NOSIP: variants seen among roughly 807,000 people sequenced by gnomAD.
NOSIP encodes the protein nitric oxide synthase-interacting protein.
NOSIP carries 25 observed loss-of-function variants against 36.4 expected under a neutral mutation model. The ratio of observed to expected loss-of-function variants is 0.69; its 90% CI spans 0.50 to 0.96. The LOEUF is 0.96. NOSIP is among the 40% of genes least tolerant of loss of function. NOSIP has a pLI of 0.00. For missense variants in NOSIP, 370 were observed against 429.0 expected (o/e 0.86, Z 1.21); for synonymous variants, 187 against 179.2 (o/e 1.04, Z -0.35).
intron 3 of NOSIP, 40 bp from the exon 4 acceptor site, chr19:49,559,018 C>T (rs946031606): frequency 9.1e-6 from 14 of 1,535,372 alleles, no homozygotes; most frequent in Non-Finnish European, 1.3e-5. Flanking sequence ...AGAAAGTGAT[C>T]CTCCCGCCTC....
intron 4 of NOSIP, chr19:49,557,909 C>T: frequency 1.0e-6 from 1 of 987,568 alleles, no homozygotes; most frequent in Non-Finnish European, 1.2e-6. Context: ...ACATGACCAC[C>T]AGGCTGTGTG....
intron 1 of NOSIP, among the ~76,000 whole-genome samples, chr19:49,563,431 A>G (rs2080361560): frequency 1.3e-5 from 2 of 151,756 alleles, no homozygotes; most frequent in Non-Finnish European, 1.5e-5. Flanking sequence ...TGGCCTCCCA[A>G]AGTGTTGGGA....
chr19:49,559,510 C>CAAA (rs112494970), intron 3 of NOSIP: 15,094 of 166,484 alleles, frequency 0.091, 819 homozygotes, highest in African/African-American at 0.16. Context: ...GACTCTGTCT[C>CAAA]AAAAAAAAAA....
In NOSIP at chr19:49,560,445, T is replaced by C. The variant is rs2080317124; in HGVS notation, c.70+177A>G. 2 of 625,154 alleles carry C rather than the reference T, an allele frequency of 3.2e-6. No homozygotes were observed. Among genetic ancestry groups the C allele is most frequent in the Non-Finnish European group, 5.8e-6 (2 of 344,296 alleles). The allele number at this position is 625,154 out of a possible 1,614,324, so 38.7% of individuals were successfully genotyped here. A position where few individuals can be genotyped will look rare whatever the true frequency, so the allele number is the denominator to read the frequency against. ...CATGCGCAGAAGGCAGAGAACACAG[T>C]GCCGGGCCACATGGGGTCATGGGAT... is the stretch of plus-strand genomic sequence containing the variant. On this transcript the variant is annotated intron_variant, in intron 2 of 8. Transcript: ENST00000596358. The surrounding 1 kb of genome is among the most constrained non-coding windows in gnomAD (Gnocchi z 4.6).
chr19:49,578,540 C>T (rs1002828417), intron 1 of NOSIP, among the ~76,000 whole-genome samples: 4 of 152,136 alleles, frequency 2.6e-5, no homozygotes, highest in Non-Finnish European at 5.9e-5. Context: ...ATGGCTCACA[C>T]CTGTAATCTA....
chr19:49,560,820 G>C lies in NOSIP; in HGVS notation c.-1-128C>G. On this transcript the variant is annotated intron_variant, in intron 1 of 8. Transcript: ENST00000596358. This position sits in a 1 kb window ranked among gnomAD's most constrained non-coding sequence, Gnocchi z 4.6. ...AGCGGAGGCGGAGAAGGGGGGTGAG[G>C]TGGAAGAGAGGGAGGGCATGTGGTC... is the stretch of plus-strand genomic sequence containing the variant. The C allele has an allele frequency of 1.4e-6, 1 of 730,500 alleles. No individual in the cohort carries two copies. The highest frequency in any genetic ancestry group is 1.6e-5 in the South Asian group (1 of 62,238). 45.3% of individuals were successfully genotyped at this position (730,500 alleles called of 1,614,324 possible). A position where few individuals can be genotyped will look rare whatever the true frequency, so the allele number is the denominator to read the frequency against.
At chr19:49,564,453 CAAAAAAA>C (rs1011453088) in intron 1 of NOSIP, among the ~76,000 whole-genome samples, 14 of 42,572 alleles carry the variant, frequency 3.3e-4, no homozygotes, top group Middle Eastern at 0.011. Flanking sequence ...GACTCCATCT[CAAAAAAA>C]AAAAAAAAAA....
intron 1 of NOSIP, among the ~76,000 whole-genome samples, chr19:49,562,128 GT>G (rs1182917123): frequency 6.6e-6 from 1 of 152,026 alleles, no homozygotes; most frequent in African/African-American, 2.4e-5. Context: ...CTGTTTGTTT[GT>G]TTGTTTTTTG....
chr19:49,575,708 A>G (rs1436914251), intron 1 of NOSIP, among the ~76,000 whole-genome samples: 2 of 152,232 alleles, frequency 1.3e-5, no homozygotes, highest in African/African-American at 2.4e-5. Context: ...GCATAAAAGC[A>G]GCCACAGACA....
chr19:49,568,779 TA>T lies in NOSIP; in HGVS notation c.-1-8088del, dbSNP rs1555735527. On this transcript the variant is annotated intron_variant, in intron 1 of 8. Transcript: ENST00000596358. ...GGGCAATATAGCTAGACCCCATCTC[TA>T]AAAAAAAAAAAAAAATAGTTTGTTT... Among the ~76,000 whole-genome samples the T allele has an allele frequency of 3.2e-3, 367 of 113,772 alleles. 5 individuals are homozygous for T. The highest frequency in any genetic ancestry group is 6.1e-3 in the East Asian group (25 of 4,128). 74.6% of individuals were successfully genotyped at this position (113,772 alleles called of 152,430 possible). A position where few individuals can be genotyped will look rare whatever the true frequency, so the allele number is the denominator to read the frequency against.
At position 49,555,837 on chromosome 19, in the gene NOSIP, G is replaced by A. The variant is rs780836275; in HGVS notation, c.835-15C>T. ...CCGGTACCGCCCTGGGGGAGGTAGAGAGAAGGACGAGGTAGAGGCCGGCCC... is the reference window on the plus strand; with the variant it reads ...CCGGTACCGCCCTGGGGGAGGTAGAAAGAAGGACGAGGTAGAGGCCGGCCC... On this transcript the variant is annotated splice_polypyrimidine_tract_variant and intron_variant, in intron 8 of 8. Coordinates refer to ENST00000596358, the MANE Select transcript of NOSIP (RefSeq NM_001270960.2). The A allele has an allele frequency of 3.7e-6, 6 of 1,610,182 alleles. No homozygotes were observed. In the South Asian group the frequency reaches 4.4e-5, roughly 12 times the overall value.
intron 1 of NOSIP, among the ~76,000 whole-genome samples, chr19:49,564,502 TC>T (rs2080380080): frequency 7.2e-6 from 1 of 138,222 alleles, no homozygotes; most frequent in Non-Finnish European, 1.5e-5. Flanking sequence ...TTGAGATACC[TC>T]CCCACACGCA....
chr19:49,571,165 T>C (rs2080479338), intron 1 of NOSIP, among the ~76,000 whole-genome samples: 1 of 150,810 alleles, frequency 6.6e-6, no homozygotes, highest in Non-Finnish European at 1.5e-5. Context: ...TTGTATTTTT[T>C]AGTAGAGACA....
chr19:49,564,769 C>T (rs1182405883), intron 1 of NOSIP, among the ~76,000 whole-genome samples: 2 of 152,144 alleles, frequency 1.3e-5, no homozygotes, highest in Non-Finnish European at 2.9e-5. Context: ...GGAAACTACC[C>T]CATGCCTGTC....
intron 1 of NOSIP, among the ~76,000 whole-genome samples, chr19:49,577,968 G>T (rs1240411482): frequency 1.3e-5 from 2 of 152,066 alleles, no homozygotes; most frequent in Non-Finnish European, 1.5e-5. Context: ...AGGAAATAGG[G>T]AATGACTGCT....
At position 49,556,572 on chromosome 19, in the gene NOSIP, G is replaced by A. The variant is rs201833397; in HGVS notation, c.702C>T (p.Thr234=). The A allele has an allele frequency of 3.9e-5, 62 of 1,606,120 alleles. No individual in the cohort carries two copies. The East Asian group carries it at 1.4e-3, about 35-fold the overall frequency. Residue 234 remains threonine (T), a synonymous_variant, in exon 7 of 9, where the codon ACC becomes ACT. Transcript: ENST00000596358. ...AVTRDSLSNA[T]PCAVLRPSGA... ...ACGAGGGCCGCAGCACAGCGCAGGG[G>A]GTGGCGTTGCTCAGGCTGTCGCGGG...
chr19:49,572,135 C>T (rs1413301018), intron 1 of NOSIP, among the ~76,000 whole-genome samples: 9 of 141,480 alleles, frequency 6.4e-5, no homozygotes, highest in African/African-American at 1.6e-4. Context: ...GATGGAGTTT[C>T]GCTTTTATCA....
Position 49,557,220 on chromosome 19 carries a change from G to C in NOSIP, c.288C>G (p.Arg96=), listed in dbSNP as rs140793974. The C allele has an allele frequency of 1.3e-6, 2 of 1,596,586 alleles. No individual in the cohort carries two copies. The highest frequency in any genetic ancestry group is 1.7e-6 in the Non-Finnish European group (2 of 1,172,360). The change falls in exon 5 of 9, where the codon CGC becomes CGG. Residue 96 remains arginine, a synonymous_variant. Coordinates refer to ENST00000596358, the MANE Select transcript of NOSIP (RefSeq NM_001270960.2). The part of the protein sequence containing the change: ...KAYEKQRGTR[R]EEQKELQRAA... ...CCCGCTGAAGCTCCTTCTGCTCCTC[G>C]CGCCGGGTGCCCCGCTGCTTCTCGT...
At chr19:49,577,471 C>T (rs529416640) in intron 1 of NOSIP, among the ~76,000 whole-genome samples, 2 of 151,904 alleles carry the variant, frequency 1.3e-5, no homozygotes, top group South Asian at 4.2e-4. Context: ...GCAGGAGAGT[C>T]GCTCAAACCT....
Sources: allele counts gnomAD v4.1 joint callset (sites outside exome capture counted in the v4.1 genomes callset), GRCh38; gene constraint gnomAD v4.1.1; non-coding constraint Gnocchi (gnomAD v3.1); transcripts MANE v1.5; gene names NCBI Gene and HGNC (gene_info 2026-07-23, HGNC 2026-07-21).